Variants in MRTFA observed in about 807,000 individuals in gnomAD.
MRTFA encodes myocardin related transcription factor A.
MRTFA carries 20 observed loss-of-function variants against 83.5 expected under a neutral mutation model. The ratio of observed to expected loss-of-function variants is 0.24; its 90% CI spans 0.17 to 0.35. The LOEUF (loss-of-function observed/expected upper bound fraction) is 0.35, where lower values mean the gene tolerates loss of function less well. MRTFA is among the 10% of genes least tolerant of loss of function. MRTFA has a pLI of 1.00. For missense variants in MRTFA, 1,200 were observed against 1,224.7 expected, an observed-to-expected ratio of 0.98 and a Z score of 0.30; for synonymous variants, 659 against 541.2, an observed-to-expected ratio of 1.22 and a Z score of -3.02.
chr22:40,429,820 T>A, intron 6 of MRTFA, 53 bp from the exon 7 acceptor site: 1 of 1,535,918 alleles, frequency 6.5e-7, no homozygotes, highest in South Asian at 1.3e-5. Flanking sequence ...GACGTGGTTC[T>A]GCCCCGGGAA....
At chr22:40,623,055 A>G (rs1397377889) in intron 1 of MRTFA, among the ~76,000 whole-genome samples, 1 of 152,362 alleles carries the variant, frequency 6.6e-6, no homozygotes, top group African/African-American at 2.4e-5. Flanking sequence ...GGGAAACTCA[A>G]CATGTTCAGC....
intron 3 of MRTFA, among the ~76,000 whole-genome samples, chr22:40,471,740 C>T (rs1380530459): frequency 6.6e-6 from 1 of 152,068 alleles, no homozygotes; most frequent in Non-Finnish European, 1.5e-5. Context: ...GGCATGGTGG[C>T]AAGTGCCTGT....
At chr22:40,413,151 A>C (rs1034056607) in intron 14 of MRTFA, among the ~76,000 whole-genome samples, 6 of 150,196 alleles carry the variant, frequency 4.0e-5, no homozygotes, top group Non-Finnish European at 8.9e-5. Context: ...AAAAAAAAAA[A>C]AAAAAAAAAA....
chr22:40,446,463 G>A (rs1428662588), intron 4 of MRTFA, among the ~76,000 whole-genome samples: 2 of 152,102 alleles, frequency 1.3e-5, no homozygotes, highest in Non-Finnish European at 2.9e-5. Context: ...TTCTGTCTTG[G>A]AGAATCACAG....
At chr22:40,508,847 C>CAAAA (rs67844311) in intron 3 of MRTFA, among the ~76,000 whole-genome samples, 1 of 111,068 alleles carries the variant, frequency 9.0e-6, no homozygotes, top group Non-Finnish European at 1.9e-5. Context: ...CTGCCTCTAC[C>CAAAA]AAAAAAAAAA....
chr22:40,545,866 T>C (rs2055357795), intron 3 of MRTFA, among the ~76,000 whole-genome samples: 1 of 151,366 alleles, frequency 6.6e-6, no homozygotes, highest in African/African-American at 2.4e-5. Context: ...CCCAAGTAGC[T>C]GGGATTACAG....
chr22:40,519,592 T>C (rs1002583659), intron 3 of MRTFA: 11 of 1,334,832 alleles, frequency 8.2e-6, no homozygotes, highest in Non-Finnish European at 8.9e-6. Flanking sequence ...TGATTTGTTA[T>C]ACCCAATTTG....
intron 2 of MRTFA, among the ~76,000 whole-genome samples, chr22:40,591,070 G>A (rs542616683): frequency 7.9e-5 from 12 of 152,266 alleles, no homozygotes; most frequent in African/African-American, 2.6e-4. Flanking sequence ...GGGAGGTGGA[G>A]GCTGCAGTGA....
chr22:40,567,270 C>T (rs1173579932), intron 2 of MRTFA, among the ~76,000 whole-genome samples: 1 of 152,116 alleles, frequency 6.6e-6, no homozygotes, highest in Non-Finnish European at 1.5e-5. Flanking sequence ...TTATTCATGC[C>T]CACAAACACT....
At chr22:40,575,211 G>A (rs1175921545) in intron 2 of MRTFA, among the ~76,000 whole-genome samples, 2 of 152,164 alleles carry the variant, frequency 1.3e-5, no homozygotes, top group Non-Finnish European at 2.9e-5. Context: ...TTTAACAGGT[G>A]TTCAATAGAT....
At chr22:40,487,225 T>C (rs1227937187) in intron 3 of MRTFA, among the ~76,000 whole-genome samples, 1 of 152,168 alleles carries the variant, frequency 6.6e-6, no homozygotes, top group African/African-American at 2.4e-5. Flanking sequence ...TACCTAAAAT[T>C]TTCAAATTAA....
chr22:40,500,303 T>G (rs1010744010), intron 3 of MRTFA, among the ~76,000 whole-genome samples: 3 of 150,458 alleles, frequency 2.0e-5, no homozygotes, highest in Admixed American at 1.3e-4. Context: ...AATAACATAC[T>G]TTCATATTGC....
intron 4 of MRTFA, among the ~76,000 whole-genome samples, chr22:40,441,831 T>TAC (rs562549245): frequency 0.022 from 3,280 of 147,888 alleles, 58 homozygotes; most frequent in African/African-American, 0.053. Context: ...TATATATATA[T>TAC]ACACACACAC....
At chr22:40,593,340 A>G (rs2056147390) in intron 2 of MRTFA, among the ~76,000 whole-genome samples, 1 of 152,226 alleles carries the variant, frequency 6.6e-6, no homozygotes, top group African/African-American at 2.4e-5. Context: ...TGTAATATCA[A>G]TGAACTTGAT....
intron 12 of MRTFA, 147 bp from the exon 13 acceptor site, chr22:40,417,640 T>A (rs1200274573): frequency 3.3e-6 from 2 of 614,544 alleles, no homozygotes; most frequent in East Asian, 2.8e-5. Flanking sequence ...GGAGCTTTCA[T>A]GAAAGCCACT....
At chr22:40,528,368 T>C (rs1254446833) in intron 3 of MRTFA, among the ~76,000 whole-genome samples, 1 of 152,104 alleles carries the variant, frequency 6.6e-6, no homozygotes, top group African/African-American at 2.4e-5. Flanking sequence ...TTGAAATGGG[T>C]AAATTTCCTC....
In MRTFA at chr22:40,417,035, G is replaced by T; in HGVS notation, c.2529C>A (p.Ser843=). The change falls in exon 14 of 15, where the codon TCC becomes TCA. Residue 843 remains serine, a synonymous_variant. Coordinates refer to ENST00000355630, the MANE Select transcript of MRTFA (RefSeq NM_020831.6). ...ACAGGTCGTCCATCTGCTGGCTTGA[G>T]GAACCATTTTCCTGTGGGACAAAGG... is the stretch of plus-strand genomic sequence containing the variant. 1 of 1,594,804 alleles carries T rather than the reference G, an allele frequency of 6.3e-7. No homozygotes were observed. Among genetic ancestry groups the T allele is most frequent in the Non-Finnish European group, 8.5e-7 (1 of 1,170,670 alleles).
intron 1 of MRTFA, among the ~76,000 whole-genome samples, chr22:40,625,776 C>T (rs1225292230): frequency 2.0e-5 from 3 of 151,966 alleles, no homozygotes; most frequent in Non-Finnish European, 4.4e-5. Context: ...AAGAAGACTC[C>T]GTCTCATAAA....
At chr22:40,575,089 T>C (rs911603923) in intron 2 of MRTFA, among the ~76,000 whole-genome samples, 1 of 152,224 alleles carries the variant, frequency 6.6e-6, no homozygotes, top group South Asian at 2.1e-4. Context: ...AGAACTGCCA[T>C]TTAGGTGATG....
Sources: gnomAD v4.1 joint callset for allele counts (sites outside exome capture counted in the v4.1 genomes callset) on GRCh38, gnomAD v4.1.1 for gene constraint, MANE v1.5 for transcripts, NCBI Gene and HGNC (gene_info 2026-07-23, HGNC 2026-07-21) for gene names.